The following GRID2 variants were observed in gnomAD, a reference collection of about 807,000 sequenced individuals.
GRID2 encodes glutamate receptor ionotropic, delta-2.
Under a neutral mutation model 114.8 loss-of-function variants are expected in GRID2, and 33 were observed. The observed-to-expected ratio is 0.29, with a 90% CI of 0.22 to 0.38. GRID2 has a LOEUF of 0.38. GRID2 is among the 10% of genes least tolerant of loss of function. The pLI, the probability that GRID2 is intolerant of heterozygous loss-of-function variation, is 1.00. For synonymous variants in GRID2, 505 were observed against 449.9 expected (o/e 1.12, Z -1.55); for missense variants, 1,184 against 1,257.7 (o/e 0.94, Z 0.89).
downstream of GRID2, among the ~76,000 whole-genome samples, chr4:93,775,159 AAT>A (rs1554001266): frequency 2.0e-5 from 3 of 151,774 alleles, no homozygotes; most frequent in Non-Finnish European, 4.4e-5. Flanking sequence ...AAAAAAAAAA[AAT>A]AGTTCTCTAT....
At chr4:92,712,243 G>A (rs191689450) in intron 2 of GRID2, among the ~76,000 whole-genome samples, 67 of 151,872 alleles carry the variant, frequency 4.4e-4, no homozygotes, top group Non-Finnish European at 5.2e-4. Flanking sequence ...ATTTACAATC[G>A]GTTATTTTTT....
At chr4:93,768,024 C>T (rs1453496921) in intron 14 of GRID2, among the ~76,000 whole-genome samples, 1 of 152,166 alleles carries the variant, frequency 6.6e-6, no homozygotes, top group African/African-American at 2.4e-5. Context: ...GAGCACAGGG[C>T]TCTGGGGCCC....
chr4:92,823,368 G>A (rs1741430700), intron 2 of GRID2, among the ~76,000 whole-genome samples: 2 of 152,088 alleles, frequency 1.3e-5, no homozygotes, highest in African/African-American at 4.8e-5. Context: ...CTAGCACCCT[G>A]TACAAGATTG....
Position 92,305,724 on chromosome 4 carries a change from T to TCATGCA in GRID2, c.88+983_88+988dup, listed in dbSNP as rs1725365962. On this transcript the variant is annotated intron_variant, in intron 1 of 15. Transcript: ENST00000282020. ...GCGGGCGGGGGGCTGCGCGTCATTA[T>TCATGCA]CATGCACAGCGCTCGCAGCTTCAGG... Among the ~76,000 whole-genome samples the TCATGCA allele has an allele frequency of 2.0e-5, 3 of 152,162 alleles. No individual in the cohort carries two copies. The South Asian group carries it at 6.2e-4, about 31-fold the overall frequency.
intron 2 of GRID2, among the ~76,000 whole-genome samples, chr4:92,738,360 ATTC>A (rs2149329381): frequency 6.6e-6 from 1 of 152,192 alleles, no homozygotes; most frequent in African/African-American, 2.4e-5. Flanking sequence ...CTTTTAGCTT[ATTC>A]GCCCCAGAAA....
At chr4:93,407,459 C>T (rs755752399) in intron 9 of GRID2, among the ~76,000 whole-genome samples, 1 of 151,930 alleles carries the variant, frequency 6.6e-6, no homozygotes, top group East Asian at 1.9e-4. Flanking sequence ...AATGATCGGT[C>T]GAAATACAGA....
intron 1 of GRID2, among the ~76,000 whole-genome samples, chr4:93,789,436 T>C (rs1179301401): frequency 2.0e-5 from 3 of 152,226 alleles, no homozygotes. Context: ...CTTCAATTCA[T>C]AGAATACTTG....
rs183736833 is a variant in GRID2 at position 93,172,420 on chromosome 4, G to A, written c.736-34984G>A. Among the ~76,000 whole-genome samples, 15 of 151,988 alleles carry A rather than the reference G, an allele frequency of 9.9e-5. No homozygotes were observed. The East Asian group carries it at 2.7e-3, about 28-fold the overall frequency. On this transcript the variant is annotated intron_variant, in intron 4 of 15. Transcript: ENST00000282020. ...AGCCTGGCCAACATAGTGAAACTCC[G>A]TGTCTACTAAAGTTACAAAAAATTA...
chr4:93,578,587 A>ATTT lies in GRID2; in HGVS notation c.2194-47660_2194-47658dup, dbSNP rs59397408. On this transcript the variant is annotated intron_variant, in intron 13 of 15. Coordinates refer to ENST00000282020, the MANE Select transcript of GRID2 (RefSeq NM_001510.4). Reference sequence around the variant, plus strand: ...AAAAGAACCTTGTCTTGTTTTTTGTATTTTTTTTTTTTTTTTTTTTTTTTG... The same window carrying ATTT: ...AAAAGAACCTTGTCTTGTTTTTTGTATTTTTTTTTTTTTTTTTTTTTTTTTTTG... Among the ~76,000 whole-genome samples, 351 of 83,908 alleles carry ATTT rather than the reference A, an allele frequency of 4.2e-3. 7 individuals carry two copies. The highest frequency in any genetic ancestry group is 0.011 in the African/African-American group (217 of 19,304). The allele number at this position is 83,908 out of a possible 152,430, so 55.0% of individuals were successfully genotyped here.
chr4:93,697,984 T>C (rs1249206250), intron 14 of GRID2, among the ~76,000 whole-genome samples: 2 of 151,218 alleles, frequency 1.3e-5, no homozygotes, highest in Non-Finnish European at 3.0e-5. Context: ...TACTGGATTC[T>C]GCTTATATTT....
At chr4:93,193,417 T>A (rs1741185157) in intron 4 of GRID2, among the ~76,000 whole-genome samples, 1 of 152,148 alleles carries the variant, frequency 6.6e-6, no homozygotes. Context: ...GCTGTTCTCA[T>A]GATAGTGAGT....
At chr4:93,329,619 C>A (rs149178405) in intron 8 of GRID2, among the ~76,000 whole-genome samples, 1 of 151,996 alleles carries the variant, frequency 6.6e-6, no homozygotes, top group Non-Finnish European at 1.5e-5. Context: ...CAAAGGATGG[C>A]AAATTTGTGA....
chr4:92,670,946 C>T (rs886380904), intron 2 of GRID2, among the ~76,000 whole-genome samples: 2 of 152,080 alleles, frequency 1.3e-5, no homozygotes, highest in African/African-American at 2.4e-5. Context: ...TTATAAAATA[C>T]TCATTTGTGA....
rs192340390 is a variant in GRID2 at position 93,478,543 on chromosome 4, C to G, written c.1859-12096C>G. ...TGGCATTTGTATGTATAAAAGAATT[C>G]TATTAATTTTAATAGATTAAATATG... On this transcript the variant is annotated intron_variant, in intron 11 of 15. Transcript: ENST00000282020. 9.0e-3 allele frequency among the ~76,000 whole-genome samples: 1,353 copies of G among 151,062 alleles called. 9 individuals are homozygous for G. The highest frequency in any genetic ancestry group is 0.018 in the Admixed American group (274 of 15,150).
At chr4:93,104,145 A>T (rs1731971419) in intron 3 of GRID2, among the ~76,000 whole-genome samples, 1 of 152,090 alleles carries the variant, frequency 6.6e-6, no homozygotes, top group Admixed American at 6.6e-5. Flanking sequence ...TGGTATTTGG[A>T]CAAGTTTTCC....
At chr4:92,368,328 T>C (rs1391802344) in intron 1 of GRID2, among the ~76,000 whole-genome samples, 1 of 152,042 alleles carries the variant, frequency 6.6e-6, no homozygotes, top group Non-Finnish European at 1.5e-5. Context: ...GTGAAACAGG[T>C]GAGGCATTGG....
chr4:93,319,878 G>A (rs1218355842), intron 8 of GRID2: 1 of 152,110 alleles, frequency 6.6e-6, no homozygotes, highest in Non-Finnish European at 1.5e-5. Context: ...TACCAGATAA[G>A]AGTCCAGCCT....
intron 1 of GRID2, among the ~76,000 whole-genome samples, chr4:92,587,098 C>CTGTGTG (rs70942914): frequency 0.035 from 4,618 of 133,750 alleles, 92 homozygotes; most frequent in East Asian, 0.072. Flanking sequence ...TGATGAAATG[C>CTGTGTG]TGTGTGTGTG....
rs529468803 is a variant in GRID2, at chr4:92,368,137, T to C, written c.88+63393T>C. 2.5e-4 allele frequency among the ~76,000 whole-genome samples: 38 copies of C among 152,202 alleles called. 1 individual carries two copies. Among genetic ancestry groups the C allele is most frequent in the African/African-American group, 3.6e-4 (15 of 41,544 alleles). On this transcript the variant is annotated intron_variant, in intron 1 of 15. Coordinates refer to ENST00000282020, the MANE Select transcript of GRID2 (RefSeq NM_001510.4). ...AAGTATGGGTGCGGGTCTCAGAGTA[T>C]GGGTAATACCAGATGCTGAGGGACA...
Sources: allele counts gnomAD v4.1 joint callset (sites outside exome capture counted in the v4.1 genomes callset), GRCh38; gene constraint gnomAD v4.1.1; transcripts MANE v1.5; gene names NCBI Gene and HGNC (gene_info 2026-07-23, HGNC 2026-07-21).